The following NINJ2 variants were observed in gnomAD, a reference collection of about 807,000 sequenced individuals.
The protein encoded by NINJ2 is ninjurin 2.
Under a neutral mutation model 11.7 loss-of-function variants are expected in NINJ2, and 12 were observed. The ratio of observed to expected loss-of-function variants is 1.02; its 90% confidence interval spans 0.66 to 1.66. The LOEUF is 1.66. NINJ2 is among the 40% of genes most tolerant of loss of function. The probability of loss-of-function intolerance (pLI) is 0.00; values close to 1 mark genes in which losing one functional copy is unlikely to be tolerated. For missense variants in NINJ2, 187 were observed against 181.8 expected (o/e 1.03, Z -0.16); for synonymous variants, 93 against 76.8 (o/e 1.21, Z -1.10).
chr12:662,409 C>CGAGAGAGAGAGAGAGAGAGAGA (rs111778018), intron 1 of NINJ2, among the ~76,000 whole-genome samples: 5 of 147,442 alleles, frequency 3.4e-5, no homozygotes, highest in South Asian at 2.2e-4. Context: ...ACACAGAGAA[C>CGAGAGAGAGAGAGAGAGAGAGA]GAGAGAGAGA....
chr12:616,601 TC>T (rs1386601906), intron 1 of NINJ2, among the ~76,000 whole-genome samples: 1 of 152,000 alleles, frequency 6.6e-6, no homozygotes, highest in Non-Finnish European at 1.5e-5. Context: ...CCCACCCCAT[TC>T]CCCCTCCAAA....
chr12:609,363 G>C (rs1247216881), intron 1 of NINJ2, among the ~76,000 whole-genome samples: 1 of 151,794 alleles, frequency 6.6e-6, no homozygotes, highest in Non-Finnish European at 1.5e-5. Flanking sequence ...TGAAGGGGCC[G>C]CAAAGATGAG....
chr12:597,330 C>A (rs1225379803), intron 1 of NINJ2, among the ~76,000 whole-genome samples: 5 of 152,146 alleles, frequency 3.3e-5, no homozygotes, highest in African/African-American at 1.2e-4. Context: ...TGGGTTACTG[C>A]GTGTAAAGTA....
In NINJ2 at chr12:633,225, C is replaced by G. The variant is rs762158123; in HGVS notation, c.33+30103G>C. 1.6e-4 allele frequency among the ~76,000 whole-genome samples: 25 copies of G among 152,110 alleles called. No homozygotes were observed. Among genetic ancestry groups the G allele is most frequent in the African/African-American group, 6.0e-4 (25 of 41,492 alleles). ...CATTAAAAAAAAACAAGGCCGGGCGCGGTGGCTCACACCTGTAATCCTAGC... is the reference window on the plus strand; with the variant it reads ...CATTAAAAAAAAACAAGGCCGGGCGGGGTGGCTCACACCTGTAATCCTAGC... On this transcript the variant is annotated intron_variant, in intron 1 of 3. Transcript: ENST00000305108. The surrounding 1 kb of genome is among the most constrained non-coding windows in gnomAD (Gnocchi z 4.3).
At chr12:584,960 TA>T (rs1180198021) in intron 1 of NINJ2, among the ~76,000 whole-genome samples, 1 of 150,546 alleles carries the variant, frequency 6.6e-6, no homozygotes, top group African/African-American at 2.5e-5. Flanking sequence ...CTACTAAAAA[TA>T]AAAGAAAATT....
At chr12:577,427 A>ATATATG (rs1555161804) in intron 1 of NINJ2, among the ~76,000 whole-genome samples, 1 of 62,610 alleles carries the variant, frequency 1.6e-5, no homozygotes, top group Non-Finnish European at 4.5e-5. Context: ...ATATATATAT[A>ATATATG]TACATATATA....
At chr12:589,133 G>A (rs978240500) in intron 1 of NINJ2, among the ~76,000 whole-genome samples, 1 of 152,214 alleles carries the variant, frequency 6.6e-6, no homozygotes, top group Non-Finnish European at 1.5e-5. Context: ...AACTGGGAAT[G>A]AGCCAAATTG....
At chr12:605,754 C>G (rs1410315956) in intron 1 of NINJ2, among the ~76,000 whole-genome samples, 1 of 152,146 alleles carries the variant, frequency 6.6e-6, no homozygotes, top group Non-Finnish European at 1.5e-5. Flanking sequence ...CGAATGGGTT[C>G]TATATTAATA....
At chr12:577,416 C>CATATATATATACACATATATATGT (rs1565621205) in intron 1 of NINJ2, among the ~76,000 whole-genome samples, 11 of 121,240 alleles carry the variant, frequency 9.1e-5, no homozygotes, top group Admixed American at 1.7e-4. Context: ...ACACTAGTCT[C>CATATATATATACACATATATATGT]ATATATATAT....
intron 1 of NINJ2, among the ~76,000 whole-genome samples, chr12:595,563 T>C (rs1947773610): frequency 6.6e-6 from 1 of 152,120 alleles, no homozygotes; most frequent in Admixed American, 6.5e-5. Flanking sequence ...TCACCTGAGG[T>C]TGGAAGTTCA....
At chr12:627,944 A>C (rs1218865439) in intron 1 of NINJ2, among the ~76,000 whole-genome samples, 1 of 152,156 alleles carries the variant, frequency 6.6e-6, no homozygotes, top group Non-Finnish European at 1.5e-5. Context: ...CAAAAAGAAA[A>C]AAAAAGTCTC....
At chr12:602,202 G>A (rs1224565438) in intron 1 of NINJ2, among the ~76,000 whole-genome samples, 1 of 152,188 alleles carries the variant, frequency 6.6e-6, no homozygotes, top group East Asian at 1.9e-4. Flanking sequence ...AAAGTGTACG[G>A]TTCAGTGGCT....
At chr12:576,842 C>T (rs1947468503) in intron 1 of NINJ2, among the ~76,000 whole-genome samples, 2 of 152,150 alleles carry the variant, frequency 1.3e-5, no homozygotes, top group African/African-American at 4.8e-5. Flanking sequence ...GAGCACTTTC[C>T]CAATCAGCGC....
chr12:612,640 G>T (rs1948048229), intron 1 of NINJ2, among the ~76,000 whole-genome samples: 1 of 152,128 alleles, frequency 6.6e-6, no homozygotes, highest in Non-Finnish European at 1.5e-5. Context: ...CAGGCACTTG[G>T]ATGACCTCCC....
At chr12:588,168 G>GGAAGGGACA (rs1947667801) in intron 1 of NINJ2, among the ~76,000 whole-genome samples, 1 of 122,438 alleles carries the variant, frequency 8.2e-6, no homozygotes, top group Non-Finnish European at 1.8e-5. Flanking sequence ...GGGAAGGGAC[G>GGAAGGGACA]GAAGGGACGG....
At chr12:621,360 G>A (rs1237453105) in intron 1 of NINJ2, among the ~76,000 whole-genome samples, 1 of 151,816 alleles carries the variant, frequency 6.6e-6, no homozygotes. Context: ...AGGCTGAAAT[G>A]GGAGAATTGC....
At chr12:595,213 T>G (rs1182837003) in intron 1 of NINJ2, among the ~76,000 whole-genome samples, 1 of 152,104 alleles carries the variant, frequency 6.6e-6, no homozygotes, top group Non-Finnish European at 1.5e-5. Context: ...TAGATCTGCA[T>G]GTAAAACACA....
intron 1 of NINJ2, among the ~76,000 whole-genome samples, chr12:599,680 A>G (rs992656762): frequency 6.6e-6 from 1 of 152,220 alleles, no homozygotes; most frequent in East Asian, 1.9e-4. Flanking sequence ...GACTTGCCTC[A>G]GTAGAGTTGG....
rs1172826807 is a variant in NINJ2, at chr12:618,129, T to C, written c.33+45199A>G. 2.0e-5 allele frequency among the ~76,000 whole-genome samples: 3 copies of C among 150,190 alleles called. 1 individual carries two copies. The highest frequency in any genetic ancestry group is 1.3e-4 in the Admixed American group (2 of 14,898). The stretch of plus-strand genomic sequence containing the variant: ...ACCCTGTTCTGTCAATAGGACCATC[T>C]GAACCCGTAGGAGCTCCTTGCTGGA... On this transcript the variant is annotated intron_variant, in intron 1 of 3. Transcript: ENST00000305108.
Sources: allele counts gnomAD v4.1 joint callset (sites outside exome capture counted in the v4.1 genomes callset), GRCh38; gene constraint gnomAD v4.1.1; non-coding constraint Gnocchi (gnomAD v3.1); transcripts MANE v1.5; gene names NCBI Gene and HGNC (gene_info 2026-07-23, HGNC 2026-07-21).